SGCZ: variants seen among roughly 807,000 people sequenced by gnomAD.
SGCZ encodes the protein zeta-sarcoglycan.
Under a neutral mutation model 41.3 loss-of-function variants are expected in SGCZ, and 40 were observed. That is an observed-to-expected ratio of 0.97 (90% confidence interval 0.75 to 1.26). SGCZ has a LOEUF of 1.26. Among genes scored for constraint, SGCZ ranks in the 50% most tolerant of loss-of-function variants. The pLI is 0.00. For synonymous variants in SGCZ, 206 were observed against 137.5 expected, an observed-to-expected ratio of 1.50 and a Z score of -3.49; for missense variants, 552 against 369.8, an observed-to-expected ratio of 1.49 and a Z score of -4.04.
chr8:14,269,680 C>G (rs1306694887), intron 3 of SGCZ, among the ~76,000 whole-genome samples: 1 of 151,950 alleles, frequency 6.6e-6, no homozygotes, highest in Non-Finnish European at 1.5e-5. Context: ...GTCAAAAATT[C>G]TGGAGGACAA....
At chr8:14,995,734 A>G (rs1212203079) in intron 1 of SGCZ, among the ~76,000 whole-genome samples, 1 of 152,182 alleles carries the variant, frequency 6.6e-6, no homozygotes, top group Non-Finnish European at 1.5e-5. Context: ...CTGTATCTTA[A>G]AGCATTTCAC....
intron 2 of SGCZ, among the ~76,000 whole-genome samples, chr8:14,339,672 G>C (rs1057355164): frequency 1.3e-5 from 2 of 152,126 alleles, no homozygotes; most frequent in Non-Finnish European, 2.9e-5. Context: ...GCTGAGTAAA[G>C]TATAGTGCAT....
Position 14,315,536 on chromosome 8 carries a change from A to C in SGCZ, c.336+8567T>G, listed in dbSNP as rs139528915. Among the ~76,000 whole-genome samples the C allele has an allele frequency of 5.3e-5, 8 of 152,234 alleles. No individual in the cohort carries two copies. In the East Asian group the frequency reaches 1.5e-3, roughly 29 times the overall value. On this transcript the variant is annotated intron_variant, in intron 3 of 7. Coordinates refer to ENST00000382080, the MANE Select transcript of SGCZ (RefSeq NM_139167.4). Reference sequence around the variant, plus strand: ...GTTAACCCACGCACAATTTAATAGTAACTCCCTTTTACAACTACTTTTGAA... The same window carrying C: ...GTTAACCCACGCACAATTTAATAGTCACTCCCTTTTACAACTACTTTTGAA...
chr8:14,181,721 A>G (rs1385449971), intron 4 of SGCZ, among the ~76,000 whole-genome samples: 1 of 152,128 alleles, frequency 6.6e-6, no homozygotes, highest in Non-Finnish European at 1.5e-5. Flanking sequence ...TATGTAATAC[A>G]TCCCTTTGTT....
rs116079987 is a variant in SGCZ at position 14,594,471 on chromosome 8, C to T, written c.40-39545G>A. On this transcript the variant is annotated intron_variant, in intron 1 of 7. Coordinates refer to ENST00000382080, the MANE Select transcript of SGCZ (RefSeq NM_139167.4). ...TCAGTGATTTTCAGTTTTCTTTCTGCCCAATCTCACAATTCCACTGGGAGG... is the reference window on the plus strand; with the variant it reads ...TCAGTGATTTTCAGTTTTCTTTCTGTCCAATCTCACAATTCCACTGGGAGG... Among the ~76,000 whole-genome samples, 844 of 152,078 alleles carry T rather than the reference C, an allele frequency of 5.5e-3. 11 individuals are homozygous for T. Among genetic ancestry groups the T allele is most frequent in the African/African-American group, 0.019 (784 of 41,498 alleles).
chr8:15,054,737 G>A (rs999676238), intron 1 of SGCZ, among the ~76,000 whole-genome samples: 8 of 151,756 alleles, frequency 5.3e-5, no homozygotes, highest in Admixed American at 2.0e-4. Context: ...GGCAGACCAC[G>A]AGGTCAGGAG....
At chr8:14,721,031 C>A (rs1029513846) in intron 1 of SGCZ, among the ~76,000 whole-genome samples, 1 of 150,660 alleles carries the variant, frequency 6.6e-6, no homozygotes, top group Admixed American at 6.6e-5. Flanking sequence ...ACCATTTTCT[C>A]CTTAATGCAA....
chr8:14,427,750 G>A (rs531535846), intron 2 of SGCZ, among the ~76,000 whole-genome samples: 3 of 152,118 alleles, frequency 2.0e-5, no homozygotes, highest in African/African-American at 7.2e-5. Context: ...GCAAATTAAA[G>A]AAGGCTGAAC....
chr8:15,127,420 G>A (rs1207488209), intron 1 of SGCZ, among the ~76,000 whole-genome samples: 2 of 152,120 alleles, frequency 1.3e-5, no homozygotes, highest in Non-Finnish European at 1.5e-5. Flanking sequence ...TTTAAATAAC[G>A]TAACTCAGGA....
intron 1 of SGCZ, among the ~76,000 whole-genome samples, chr8:15,121,243 T>G (rs1213646355): frequency 1.3e-5 from 2 of 152,216 alleles, no homozygotes; most frequent in African/African-American, 4.8e-5. Context: ...CCAGAAAAAT[T>G]CACCCTCATC....
chr8:14,292,379 A>G (rs1800870228), intron 3 of SGCZ, among the ~76,000 whole-genome samples: 1 of 152,038 alleles, frequency 6.6e-6, no homozygotes, highest in Non-Finnish European at 1.5e-5. Context: ...GACAATTACC[A>G]TGACATATAA....
intron 4 of SGCZ, among the ~76,000 whole-genome samples, chr8:14,207,650 T>C (rs765379939): frequency 3.9e-5 from 6 of 152,170 alleles, no homozygotes; most frequent in East Asian, 1.9e-4. Context: ...TAGTGCTCTA[T>C]TGTTAAATGA....
intron 5 of SGCZ, among the ~76,000 whole-genome samples, chr8:14,120,194 G>C (rs942500790): frequency 6.6e-6 from 1 of 152,204 alleles, no homozygotes; most frequent in Non-Finnish European, 1.5e-5. Flanking sequence ...TCTATCACTG[G>C]AATATAAGTT....
chr8:14,495,908 G>A (rs1213785009), intron 2 of SGCZ, among the ~76,000 whole-genome samples: 2 of 152,096 alleles, frequency 1.3e-5, no homozygotes, highest in Non-Finnish European at 2.9e-5. Context: ...CCATCCCTAA[G>A]GACATTTGTT....
chr8:14,422,061 T>C (rs552856699), intron 2 of SGCZ, among the ~76,000 whole-genome samples: 4 of 152,170 alleles, frequency 2.6e-5, no homozygotes, highest in African/African-American at 9.6e-5. Context: ...CAAAGTTCCT[T>C]GATATCTAAA....
At chr8:14,762,497 C>A (rs1799918756) in intron 1 of SGCZ, among the ~76,000 whole-genome samples, 1 of 152,164 alleles carries the variant, frequency 6.6e-6, no homozygotes, top group African/African-American at 2.4e-5. Flanking sequence ...GTAATTAGCA[C>A]AGCGCCCAAC....
intron 1 of SGCZ, among the ~76,000 whole-genome samples, chr8:14,955,357 T>C (rs1422029575): frequency 6.6e-6 from 1 of 152,176 alleles, no homozygotes; most frequent in African/African-American, 2.4e-5. Flanking sequence ...CGACTGGAGA[T>C]CCTGGTTCTT....
intron 1 of SGCZ, among the ~76,000 whole-genome samples, chr8:14,679,376 A>G (rs1428552043): frequency 2.6e-5 from 4 of 151,998 alleles, no homozygotes; most frequent in African/African-American, 9.6e-5. Context: ...GGCCCTGAAG[A>G]CATGTTAGTG....
intron 1 of SGCZ, among the ~76,000 whole-genome samples, chr8:15,116,724 C>T (rs537271943): frequency 6.6e-6 from 1 of 152,166 alleles, no homozygotes; most frequent in Non-Finnish European, 1.5e-5. Flanking sequence ...AACTTGCTTA[C>T]TATGCCACAA....
Sources: gnomAD v4.1 joint callset for allele counts (sites outside exome capture counted in the v4.1 genomes callset) on GRCh38, gnomAD v4.1.1 for gene constraint, MANE v1.5 for transcripts, NCBI Gene and HGNC (gene_info 2026-07-23, HGNC 2026-07-21) for gene names.